The following OMA1 variants were observed in gnomAD, a reference collection of about 807,000 sequenced individuals.
The protein encoded by OMA1 is metalloendopeptidase OMA1, mitochondrial.
Under a neutral mutation model 30.9 loss-of-function variants are expected in OMA1, and 38 were observed. The ratio of observed to expected loss-of-function variants is 1.23; its 90% CI spans 0.95 to 1.61. The LOEUF is 1.61. Among genes scored for constraint, OMA1 ranks in the 40% most tolerant of loss-of-function variants. OMA1 has a pLI of 0.00. For synonymous variants in OMA1, 173 were observed against 121.9 expected (o/e 1.42, Z -2.76); for missense variants, 461 against 349.2 (o/e 1.32, Z -2.55).
At chr1:58,487,791 C>A (rs1037081643) in intron 8 of OMA1, among the ~76,000 whole-genome samples, 2 of 152,138 alleles carry the variant, frequency 1.3e-5, no homozygotes, top group East Asian at 1.9e-4. Context: ...CCCCTCCCCC[C>A]TCAACACACA....
chr1:58,538,501 T>A (rs1646553396), intron 2 of OMA1, among the ~76,000 whole-genome samples: 1 of 151,358 alleles, frequency 6.6e-6, no homozygotes, highest in Non-Finnish European at 1.5e-5. Context: ...AAGATTTTTT[T>A]AATGCCTATA....
intron 8 of OMA1, among the ~76,000 whole-genome samples, chr1:58,503,776 T>A (rs762584254): frequency 6.6e-6 from 1 of 152,198 alleles, no homozygotes; most frequent in Non-Finnish European, 1.5e-5. Flanking sequence ...CCTTCCAAAC[T>A]GTGAGAAGTA....
At chr1:58,533,888 AAAGATTT>A in intron 5 of OMA1, 58 bp downstream of exon 5, 1 of 819,430 alleles carries the variant, frequency 1.2e-6, no homozygotes, top group Non-Finnish European at 2.2e-6. Flanking sequence ...CAGTTCTTTA[AAAGATTT>A]AACTTGTTAA....
intron 6 of OMA1, among the ~76,000 whole-genome samples, 163 bp from the exon 7 acceptor site, chr1:58,527,498 A>C (rs1361357249): frequency 6.6e-6 from 1 of 152,170 alleles, no homozygotes; most frequent in Admixed American, 6.5e-5. Flanking sequence ...ATATAAACAC[A>C]GCCTTTATTT....
chr1:58,527,782 T>C (rs915763134), intron 6 of OMA1, among the ~76,000 whole-genome samples: 1 of 152,232 alleles, frequency 6.6e-6, no homozygotes, highest in African/African-American at 2.4e-5. Flanking sequence ...AAATTAACCA[T>C]ATAGCAGAAT....
At chr1:58,484,244 G>A (rs1645537077) in intron 8 of OMA1, among the ~76,000 whole-genome samples, 1 of 151,990 alleles carries the variant, frequency 6.6e-6, no homozygotes, top group Non-Finnish European at 1.5e-5. Context: ...GTGTCTATTT[G>A]GCTTTTATAA....
At chr1:58,498,193 A>G (rs1175524572) in intron 8 of OMA1, among the ~76,000 whole-genome samples, 4 of 152,034 alleles carry the variant, frequency 2.6e-5, no homozygotes, top group Non-Finnish European at 5.9e-5. Context: ...ATTATTCTCT[A>G]TCTTGACATG....
intron 7 of OMA1, among the ~76,000 whole-genome samples, chr1:58,515,247 A>T (rs1646141592): frequency 6.6e-6 from 1 of 152,210 alleles, no homozygotes; most frequent in South Asian, 2.1e-4. Context: ...AATTTCAGCT[A>T]AGCCATTCTC....
chr1:58,521,803 T>C (rs140274680), intron 7 of OMA1, among the ~76,000 whole-genome samples: 5 of 152,286 alleles, frequency 3.3e-5, no homozygotes, highest in African/African-American at 7.2e-5. Flanking sequence ...CAGGCCCATA[T>C]GGCTTTACCC....
intron 7 of OMA1, among the ~76,000 whole-genome samples, chr1:58,514,402 C>T (rs1393129380): frequency 6.6e-6 from 1 of 152,056 alleles, no homozygotes; most frequent in Non-Finnish European, 1.5e-5. Context: ...CTAACTGTAC[C>T]GTTACCTGTA....
chr1:58,503,205 T>A (rs1219210625), intron 8 of OMA1, among the ~76,000 whole-genome samples: 2 of 151,928 alleles, frequency 1.3e-5, no homozygotes. Flanking sequence ...AGAAAAAAAA[T>A]TCAAGAGAAA....
At chr1:58,489,941 T>C (rs1279636339) in intron 8 of OMA1, among the ~76,000 whole-genome samples, 4 of 152,142 alleles carry the variant, frequency 2.6e-5, no homozygotes, top group South Asian at 2.1e-4. Context: ...ACCCCATCTG[T>C]ACGTCACCAT....
intron 1 of OMA1, among the ~76,000 whole-genome samples, chr1:58,541,158 G>A (rs1341605592): frequency 2.0e-5 from 3 of 151,224 alleles, no homozygotes; most frequent in African/African-American, 7.3e-5. Context: ...GGCAGGTGTG[G>A]TGGCACTTGC....
intron 8 of OMA1, among the ~76,000 whole-genome samples, chr1:58,497,823 C>G (rs910214442): frequency 2.0e-5 from 3 of 152,164 alleles, no homozygotes; most frequent in African/African-American, 7.2e-5. Flanking sequence ...TGGCGGCTTT[C>G]CCTGCACCTT....
chr1:58,506,599 T>C (rs1645994275), intron 7 of OMA1, among the ~76,000 whole-genome samples: 1 of 152,196 alleles, frequency 6.6e-6, no homozygotes, highest in South Asian at 2.1e-4. Context: ...TAACCAAAGA[T>C]AGCCCACTAT....
At chr1:58,540,535 T>C (rs546315830) in intron 1 of OMA1, among the ~76,000 whole-genome samples, 1 of 151,320 alleles carries the variant, frequency 6.6e-6, no homozygotes, top group African/African-American at 2.4e-5. Context: ...TATGTAGAGA[T>C]ATGTAATATA....
At chr1:58,485,217 G>A (rs2654733) in intron 8 of OMA1, among the ~76,000 whole-genome samples, 1 of 36,934 alleles carries the variant, frequency 2.7e-5, no homozygotes, top group African/African-American at 1.2e-4. Context: ...AAAAATAAAA[G>A]AGTCTACTAC....
intron 8 of OMA1, among the ~76,000 whole-genome samples, chr1:58,483,271 G>A (rs1231990167): frequency 6.6e-6 from 1 of 152,124 alleles, no homozygotes; most frequent in Non-Finnish European, 1.5e-5. Flanking sequence ...ACATATCTGG[G>A]CAAGGAATTC....
At chr1:58,490,162 C>T (rs890898147) in intron 8 of OMA1, among the ~76,000 whole-genome samples, 4 of 152,084 alleles carry the variant, frequency 2.6e-5, no homozygotes, top group South Asian at 2.1e-4. Context: ...GGAGGAAGTT[C>T]GAACCCATGG....
Sources: allele counts gnomAD v4.1 joint callset (sites outside exome capture counted in the v4.1 genomes callset), GRCh38; gene constraint gnomAD v4.1.1; transcripts MANE v1.5; gene names NCBI Gene and HGNC (gene_info 2026-07-23, HGNC 2026-07-21).